The following NAV1 variants were observed in gnomAD, a reference collection of about 807,000 sequenced individuals.
NAV1 encodes neuron navigator 1.
A neutral mutation model predicts 175.2 loss-of-function variants in NAV1; 18 were observed. The ratio of observed to expected loss-of-function variants is 0.10; its 90% confidence interval spans 0.07 to 0.15. NAV1 has a LOEUF of 0.15. Among genes scored for constraint, NAV1 ranks in the 10% least tolerant of loss-of-function variants. NAV1 has a pLI of 1.00. For missense variants in NAV1, 1,731 were observed against 2,436.6 expected, an observed-to-expected ratio of 0.71 and a Z score of 6.10; for synonymous variants, 897 against 978.7, an observed-to-expected ratio of 0.92 and a Z score of 1.56.
At chr1:201,607,725 C>T (rs1250517424) in intron 2 of NAV1, among the ~76,000 whole-genome samples, 1 of 152,084 alleles carries the variant, frequency 6.6e-6, no homozygotes. Context: ...CTCCTGACTT[C>T]AAGTGATCCA....
chr1:201,641,699 G>A, intron 2 of NAV1, among the ~76,000 whole-genome samples: 1 of 152,206 alleles, frequency 6.6e-6, no homozygotes, highest in Middle Eastern at 3.2e-3. Context: ...GAGTTGGGCA[G>A]TGACAACTCC....
intron 1 of NAV1, among the ~76,000 whole-genome samples, chr1:201,709,689 C>T (rs1229559477): frequency 6.6e-6 from 1 of 152,200 alleles, no homozygotes; most frequent in African/African-American, 2.4e-5. Context: ...GAGGGAGCTG[C>T]AGGGTGTAGC....
exon 1 of NAV1, chr1:201,622,973 T>A (rs1166648752): frequency 1.0e-6 from 1 of 986,060 alleles, no homozygotes; most frequent in Admixed American, 6.1e-5. Context: ...CAGACCAGGA[T>A]TCCTACACCG....
rs200340325 is a variant in NAV1 at position 201,588,155 on chromosome 1, G to A, written c.-143-384G>A. On this transcript the variant is annotated intron_variant, in intron 1 of 33. Coordinates refer to the NAV1 transcript ENST00000685211. ...CAAAATTCATAATAGCCAAAAAAGT[G>A]GAAATAAGCTAATGAGTGATAAATG... Among the ~76,000 whole-genome samples, 47 of 152,180 alleles carry A rather than the reference G, an allele frequency of 3.1e-4. No individual in the cohort carries two copies. In the East Asian group the frequency reaches 5.6e-3, roughly 18 times the overall value.
Position 201,635,262 on chromosome 1 carries a change from G to A in NAV1, c.4+5755G>A, listed in dbSNP as rs112116715. On this transcript the variant is annotated intron_variant, in intron 2 of 29. Coordinates refer to the NAV1 transcript ENST00000367302. ...GGGTTTCACTGTGTTAGCCAGGATG[G>A]TTTCAATCTCCTGACCTCGCGATCT... is the stretch of plus-strand genomic sequence containing the variant. Among the ~76,000 whole-genome samples, 877 of 151,884 alleles carry A rather than the reference G, an allele frequency of 5.8e-3. 8 individuals are homozygous for A. The highest frequency in any genetic ancestry group is 0.02 in the African/African-American group (823 of 41,374).
At chr1:201,571,183 A>G (rs999313286) in intron 1 of NAV1, among the ~76,000 whole-genome samples, 1 of 152,220 alleles carries the variant, frequency 6.6e-6, no homozygotes, top group African/African-American at 2.4e-5. Flanking sequence ...ACTAAGCACA[A>G]TTGCCATCAT....
In NAV1 at chr1:201,595,919, G is replaced by A. The variant is rs150219817; in HGVS notation, c.-33+7270G>A. 3.8e-3 allele frequency among the ~76,000 whole-genome samples: 581 copies of A among 152,312 alleles called. 5 individuals carry two copies. The highest frequency in any genetic ancestry group is 0.02 in the Middle Eastern group (6 of 294). ...TCATTAACTAACTGTGGTTAACTTC[G>A]CTTCGGGACTGCGTCCTCTTCAGTT... On this transcript the variant is annotated intron_variant, in intron 2 of 33. Transcript: ENST00000685211.
intron 3 of NAV1, among the ~76,000 whole-genome samples, chr1:201,780,067 T>C (rs1676216541): frequency 6.6e-6 from 1 of 152,192 alleles, no homozygotes. Context: ...TGAACAAAGA[T>C]ATGTTAATTT....
At position 201,610,182 on chromosome 1, in the gene NAV1, T is replaced by C. The variant is rs12385699; in HGVS notation, c.-32-12671T>C. On this transcript the variant is annotated intron_variant, in intron 2 of 33. Transcript: ENST00000685211. ...TTTATAACTGAGGCCTCCAGCCCCC[T>C]GTGATTTGTGGGACAGTTTTAAACC... Among the ~76,000 whole-genome samples, 782 of 152,328 alleles carry C rather than the reference T, an allele frequency of 5.1e-3. 11 individuals are homozygous for C. Among genetic ancestry groups the C allele is most frequent in the African/African-American group, 0.018 (743 of 41,576 alleles).
chr1:201,560,696 C>G lies in NAV1; in HGVS notation c.-144+21354C>G, dbSNP rs553460621. 1.6e-4 allele frequency among the ~76,000 whole-genome samples: 25 copies of G among 152,368 alleles called. No homozygotes were observed. In the South Asian group the frequency reaches 5.2e-3, roughly 32 times the overall value. On this transcript the variant is annotated intron_variant, in intron 1 of 33. Coordinates refer to the NAV1 transcript ENST00000685211. ...AAGTCACTGTTCCCGTGGAAAGACA[C>G]TGATGTTTGTACAGATGTGCATCTC...
Position 201,782,836 on chromosome 1 carries a change from C to G in NAV1, c.2324C>G (p.Thr775Ser). ...AACCAAGCAAGCCACCCCACAGCCA[C>G]CAAGCTGGCAGAGCTGCCACCAACC... is the stretch of plus-strand genomic sequence containing the variant. Residue 775 changes from threonine (T) to serine (S), a missense_variant, in exon 6 of 30, where the codon ACC (threonine) becomes AGC (serine). Thr to Ser is a moderately conservative substitution (Grantham distance 58, BLOSUM62 1). Around this residue, in one of 13 missense-constraint regions of NAV1, gnomAD observed 634 missense variants for 766.8 expected, o/e 0.83. Coordinates refer to ENST00000367296, the Ensembl canonical transcript of NAV1. This position sits in a 1 kb window ranked among gnomAD's most constrained non-coding sequence, Gnocchi z 5.4. 1 of 1,595,980 alleles carries G rather than the reference C, an allele frequency of 6.3e-7. No homozygotes were observed. The highest frequency in any genetic ancestry group is 8.6e-7 in the Non-Finnish European group (1 of 1,169,190).
intron 3 of NAV1, among the ~76,000 whole-genome samples, chr1:201,775,653 T>C (rs1675893886): frequency 6.6e-6 from 1 of 152,124 alleles, no homozygotes; most frequent in African/African-American, 2.4e-5. Context: ...AACCTGCCCC[T>C]CCAAATGAAT....
intron 1 of NAV1, among the ~76,000 whole-genome samples, chr1:201,690,986 G>T (rs1320242906): frequency 2.6e-5 from 4 of 152,204 alleles, no homozygotes; most frequent in Non-Finnish European, 5.9e-5. Context: ...CATTGATCCT[G>T]TTCTTGAGGA....
chr1:201,797,250 C>T (rs765466983), intron 15 of NAV1: 1 of 152,162 alleles, frequency 6.6e-6, no homozygotes, highest in Non-Finnish European at 1.5e-5. Flanking sequence ...TTTTCCCCCA[C>T]TGAATTGTCT....
intron 3 of NAV1, among the ~76,000 whole-genome samples, chr1:201,772,553 G>A (rs1274860277): frequency 1.3e-5 from 2 of 152,210 alleles, no homozygotes; most frequent in Non-Finnish European, 2.9e-5. Flanking sequence ...ACATGGTAAA[G>A]TCATATTTCT....
At chr1:201,669,873 G>T (rs921954941) in intron 1 of NAV1, among the ~76,000 whole-genome samples, 3 of 152,122 alleles carry the variant, frequency 2.0e-5, no homozygotes, top group Non-Finnish European at 2.9e-5. Context: ...TGGGCCTGGT[G>T]CACTGTGTTC....
intron 2 of NAV1, among the ~76,000 whole-genome samples, chr1:201,714,581 T>G (rs1332313823): frequency 6.6e-6 from 1 of 152,136 alleles, no homozygotes; most frequent in Non-Finnish European, 1.5e-5. Context: ...CTTACTGCCA[T>G]CCCTCATAGC....
chr1:201,552,004 C>T (rs1665869125), intron 1 of NAV1, among the ~76,000 whole-genome samples: 1 of 152,236 alleles, frequency 6.6e-6, no homozygotes, highest in African/African-American at 2.4e-5. Context: ...CCCACTTCCT[C>T]TTGCTGGCCA....
chr1:201,614,119 T>G (rs1667933053), intron 2 of NAV1, among the ~76,000 whole-genome samples: 1 of 152,126 alleles, frequency 6.6e-6, no homozygotes, highest in Non-Finnish European at 1.5e-5. Context: ...CAACACTCTG[T>G]GCTGTGCAGT....
Sources: gnomAD v4.1 joint callset for allele counts (sites outside exome capture counted in the v4.1 genomes callset) on GRCh38, gnomAD v4.1.1 for gene constraint, gnomAD v4.1.1 regional missense constraint, Gnocchi (gnomAD v3.1) non-coding constraint, MANE v1.5 for transcripts, NCBI Gene and HGNC (gene_info 2026-07-23, HGNC 2026-07-21) for gene names.